The following NRXN3 variants were observed in gnomAD, a reference collection of about 807,000 sequenced individuals.
NRXN3 encodes neurexin 3.
In NRXN3, 32 loss-of-function variants were observed where a neutral mutation model predicts 137.6. The ratio of observed to expected loss-of-function variants is 0.23; its 90% CI spans 0.18 to 0.31. NRXN3 has a LOEUF of 0.31. Among genes scored for constraint, NRXN3 ranks in the 10% least tolerant of loss-of-function variants. The probability of loss-of-function intolerance (pLI) is 1.00; values close to 1 mark genes in which losing one functional copy is unlikely to be tolerated. For missense variants in NRXN3, 1,574 were observed against 2,062.5 expected (o/e 0.76, Z 4.59); for synonymous variants, 798 against 784.5 (o/e 1.02, Z -0.29).
At chr14:79,148,658 T>C (rs2059526589) in intron 15 of NRXN3, among the ~76,000 whole-genome samples, 1 of 152,174 alleles carries the variant, frequency 6.6e-6, no homozygotes, top group Non-Finnish European at 1.5e-5. Context: ...TCATCTCCCT[T>C]GGATCCTGGG....
At chr14:78,982,308 G>T (rs972246616) in intron 14 of NRXN3, among the ~76,000 whole-genome samples, 1 of 151,520 alleles carries the variant, frequency 6.6e-6, no homozygotes, top group Non-Finnish European at 1.5e-5. Flanking sequence ...GAACCCTCAC[G>T]CTATACCAAA....
At chr14:78,611,267 T>C (rs75181374) in intron 4 of NRXN3, among the ~76,000 whole-genome samples, 7,676 of 152,280 alleles carry the variant, frequency 0.05, 256 homozygotes, top group Middle Eastern at 0.15. Context: ...GCTGTCATGC[T>C]GGGGGGATTT....
At chr14:78,173,972 C>T (rs1437114806) in intron 1 of NRXN3, among the ~76,000 whole-genome samples, 1 of 152,010 alleles carries the variant, frequency 6.6e-6, no homozygotes, top group Non-Finnish European at 1.5e-5. Flanking sequence ...CACGTTAGAG[C>T]CTCTTTTCCT....
At chr14:78,303,267 C>T (rs1364836413) in intron 4 of NRXN3, among the ~76,000 whole-genome samples, 1 of 152,092 alleles carries the variant, frequency 6.6e-6, no homozygotes, top group Admixed American at 6.6e-5. Flanking sequence ...TCCTTGAATG[C>T]TCCATTCAGA....
chr14:78,906,061 A>G (rs2099215176), intron 10 of NRXN3, among the ~76,000 whole-genome samples: 1 of 152,062 alleles, frequency 6.6e-6, no homozygotes, highest in Non-Finnish European at 1.5e-5. Flanking sequence ...ATTAACCCAT[A>G]AAAATTGGTG....
At chr14:78,659,330 T>A (rs544976429) in intron 6 of NRXN3, among the ~76,000 whole-genome samples, 9 of 152,232 alleles carry the variant, frequency 5.9e-5, no homozygotes, top group Non-Finnish European at 1.3e-4. Context: ...GGTATTTTGT[T>A]ATGGCAGCTC....
At chr14:78,469,899 A>G (rs558727749) in intron 4 of NRXN3, among the ~76,000 whole-genome samples, 275 of 152,300 alleles carry the variant, frequency 1.8e-3, no homozygotes, top group Non-Finnish European at 2.7e-3. Flanking sequence ...TTGTCCCGTT[A>G]GTCTGAGCTT....
chr14:79,634,087 C>T (rs968298517), intron 16 of NRXN3, among the ~76,000 whole-genome samples: 1 of 152,132 alleles, frequency 6.6e-6, no homozygotes, highest in Admixed American at 6.6e-5. Flanking sequence ...AGACAAAAGT[C>T]CATCACAAGA....
At chr14:78,561,454 G>T (rs2096785260) in intron 4 of NRXN3, among the ~76,000 whole-genome samples, 1 of 152,126 alleles carries the variant, frequency 6.6e-6, no homozygotes, top group Non-Finnish European at 1.5e-5. Context: ...GAAGAGAAGA[G>T]ACCATAGACT....
At chr14:78,811,076 G>A (rs527244816) in intron 10 of NRXN3, among the ~76,000 whole-genome samples, 1 of 152,238 alleles carries the variant, frequency 6.6e-6, no homozygotes, top group African/African-American at 2.4e-5. Context: ...AGGAAGAATA[G>A]GCACAAGAGA....
intron 6 of NRXN3, among the ~76,000 whole-genome samples, chr14:78,662,960 G>A (rs1161287500): frequency 6.6e-6 from 1 of 152,172 alleles, no homozygotes; most frequent in African/African-American, 2.4e-5. Flanking sequence ...AACACTTAAT[G>A]TGAACACATG....
At chr14:78,454,311 C>A (rs2094627740) in intron 4 of NRXN3, among the ~76,000 whole-genome samples, 1 of 150,104 alleles carries the variant, frequency 6.7e-6, no homozygotes, top group Non-Finnish European at 1.5e-5. Context: ...AAAAAAAAAA[C>A]CTATGTCCAA....
At chr14:79,277,727 C>A (rs978170260) in intron 15 of NRXN3, among the ~76,000 whole-genome samples, 3 of 152,174 alleles carry the variant, frequency 2.0e-5, no homozygotes, top group African/African-American at 7.2e-5. Flanking sequence ...TGAGAGCATG[C>A]TGCTGGTTTA....
intron 4 of NRXN3, among the ~76,000 whole-genome samples, chr14:78,342,955 G>A (rs2082301157): frequency 6.6e-6 from 1 of 152,104 alleles, no homozygotes; most frequent in Non-Finnish European, 1.5e-5. Context: ...ATTTCATTCT[G>A]CAGGGTGATT....
At chr14:78,848,436 C>T (rs1200976038) in intron 10 of NRXN3, among the ~76,000 whole-genome samples, 1 of 152,120 alleles carries the variant, frequency 6.6e-6, no homozygotes, top group East Asian at 1.9e-4. Context: ...AGCCCTCTGG[C>T]GGCTGGCATG....
rs1221818247 is a variant in NRXN3, at chr14:79,344,049, G to T, written c.3263-123172G>T. The stretch of plus-strand genomic sequence containing the variant: ...AGTCAGTGGAATAAAATTCTGGGAA[G>T]AGAGGTAAAAAAATGTTTACCAGTT... On this transcript the variant is annotated intron_variant, in intron 15 of 20. Transcript: ENST00000335750. 2.6e-5 allele frequency among the ~76,000 whole-genome samples: 4 copies of T among 152,152 alleles called. No homozygotes were observed. The East Asian group carries it at 7.7e-4, about 29-fold the overall frequency.
At chr14:78,615,162 T>A (rs1601398873) in intron 4 of NRXN3, 11 of 448,594 alleles carry the variant, frequency 2.5e-5, no homozygotes, top group South Asian at 1.6e-4. Context: ...ATATCTTACA[T>A]GTATACCATT....
At chr14:79,444,449 G>A (rs1050186781) in intron 15 of NRXN3, among the ~76,000 whole-genome samples, 1 of 152,152 alleles carries the variant, frequency 6.6e-6, no homozygotes, top group Non-Finnish European at 1.5e-5. Context: ...ATATGATTTT[G>A]TACACATTAA....
chr14:78,519,207 TG>T (rs777335024), intron 4 of NRXN3, among the ~76,000 whole-genome samples: 16 of 152,150 alleles, frequency 1.1e-4, no homozygotes, highest in Non-Finnish European at 1.9e-4. Context: ...TGGGTCATTT[TG>T]TAGTTATTAG....
Sources: gnomAD v4.1 joint callset for allele counts (sites outside exome capture counted in the v4.1 genomes callset) on GRCh38, gnomAD v4.1.1 for gene constraint, MANE v1.5 for transcripts, NCBI Gene and HGNC (gene_info 2026-07-23, HGNC 2026-07-21) for gene names.